The following MRTFB variants were observed in gnomAD, a reference collection of about 807,000 sequenced individuals.
MRTFB encodes myocardin-related transcription factor B.
Under a neutral mutation model 104.2 loss-of-function variants are expected in MRTFB, and 29 were observed. The observed-to-expected ratio is 0.28, with a 90% confidence interval of 0.21 to 0.38. MRTFB has a LOEUF of 0.38. MRTFB is among the 10% of genes least tolerant of loss of function. MRTFB has a pLI of 1.00. For synonymous variants in MRTFB, 535 were observed against 519.5 expected (o/e 1.03, Z -0.41); for missense variants, 1,270 against 1,341.6 (o/e 0.95, Z 0.83).
chr16:14,217,415 C>G (rs2041475254), intron 7 of MRTFB, 128 bp downstream of exon 7: 1 of 756,822 alleles, frequency 1.3e-6, no homozygotes, highest in Admixed American at 2.7e-5. Context: ...GAAATTAACA[C>G]AGTGATTTGT....
the MRTFB span, among the ~76,000 whole-genome samples, chr16:14,027,024 C>A: frequency 1.3e-5 from 2 of 152,128 alleles, no homozygotes; most frequent in Non-Finnish European, 2.9e-5. Flanking sequence ...CATGCACTCA[C>A]CATAGGACCC....
At chr16:14,126,212 A>C (rs2037103040) in intron 2 of MRTFB, among the ~76,000 whole-genome samples, 2 of 152,162 alleles carry the variant, frequency 1.3e-5, no homozygotes. Flanking sequence ...TTTTTAAAAA[A>C]ACCTTAGTTT....
chr16:14,043,136 T>C, the MRTFB span, among the ~76,000 whole-genome samples: 3 of 152,198 alleles, frequency 2.0e-5, no homozygotes, highest in Non-Finnish European at 4.4e-5. Context: ...AAATGGGATA[T>C]GCAATGGGTG....
At chr16:14,057,259 AT>A in the MRTFB span, among the ~76,000 whole-genome samples, 1 of 151,768 alleles carries the variant, frequency 6.6e-6, no homozygotes, top group African/African-American at 2.4e-5. Context: ...GTGTCAACAT[AT>A]TTCCGGAAAA....
At chr16:14,225,396 T>C (rs1041444474) in intron 8 of MRTFB, among the ~76,000 whole-genome samples, 9 of 151,746 alleles carry the variant, frequency 5.9e-5, no homozygotes, top group Non-Finnish European at 1.0e-4. Flanking sequence ...GAAGTAGCAT[T>C]TTTTTATGTG....
chr16:14,015,628 A>C, the MRTFB span, among the ~76,000 whole-genome samples: 1 of 152,202 alleles, frequency 6.6e-6, no homozygotes, highest in Admixed American at 6.5e-5. Flanking sequence ...AAGGGCCCCG[A>C]GAAGAGTTCG....
chr16:14,219,055 T>C, intron 8 of MRTFB, 57 bp downstream of exon 8: 1 of 1,471,718 alleles, frequency 6.8e-7, no homozygotes. Flanking sequence ...TTTTTTTTAA[T>C]ATATTAAGGT....
In MRTFB at chr16:14,157,008, C is replaced by G. The variant is rs186754435; in HGVS notation, c.154+16248C>G. Among the ~76,000 whole-genome samples the G allele has an allele frequency of 2.0e-4, 30 of 152,226 alleles. No individual in the cohort carries two copies. In the East Asian group the frequency reaches 5.4e-3, roughly 27 times the overall value. On this transcript the variant is annotated intron_variant, in intron 3 of 16. Transcript: ENST00000571589. ...CCCCCATGCAAAGGAAAAGGTCTTG[C>G]AATGAAATATATCAAATTATTTTGG...
intron 2 of MRTFB, among the ~76,000 whole-genome samples, chr16:14,107,590 G>T (rs1180052278): frequency 2.6e-5 from 4 of 152,112 alleles, no homozygotes; most frequent in African/African-American, 9.7e-5. Flanking sequence ...CTTCATTTTG[G>T]TCTCTAGGAC....
chr16:14,120,352 A>T (rs1288726533), intron 2 of MRTFB, among the ~76,000 whole-genome samples: 1 of 152,080 alleles, frequency 6.6e-6, no homozygotes, highest in Non-Finnish European at 1.5e-5. Flanking sequence ...ATCATGTTTA[A>T]TCCCTCCGTT....
At chr16:14,213,495 C>A in intron 5 of MRTFB, 50 bp from the exon 6 acceptor site, 1 of 1,304,304 alleles carries the variant, frequency 7.7e-7, no homozygotes, top group Non-Finnish European at 1.1e-6. Context: ...ACATTTAAAA[C>A]CACAATAAAT....
the MRTFB span, among the ~76,000 whole-genome samples, chr16:14,006,565 T>C: frequency 2.0e-5 from 3 of 151,836 alleles, no homozygotes; most frequent in Non-Finnish European, 4.4e-5. Context: ...TGTGTCTCTC[T>C]CATGCACTAA....
At chr16:14,226,506 T>C (rs981167101) in intron 8 of MRTFB, among the ~76,000 whole-genome samples, 2 of 152,210 alleles carry the variant, frequency 1.3e-5, no homozygotes, top group African/African-American at 2.4e-5. Flanking sequence ...GTTGGACCTT[T>C]ACCTAACATC....
intron 9 of MRTFB, among the ~76,000 whole-genome samples, chr16:14,237,376 G>C (rs1318433749): frequency 6.6e-6 from 1 of 152,010 alleles, no homozygotes; most frequent in Non-Finnish European, 1.5e-5. Context: ...AGAAGGGAGA[G>C]GGCAACTGTA....
At chr16:14,168,067 C>T (rs1180278388) in intron 3 of MRTFB, among the ~76,000 whole-genome samples, 2 of 152,120 alleles carry the variant, frequency 1.3e-5, no homozygotes, top group Non-Finnish European at 2.9e-5. Flanking sequence ...AGCCAGTTCT[C>T]CTAACACCAT....
intron 2 of MRTFB, among the ~76,000 whole-genome samples, chr16:14,083,655 C>T (rs763373665): frequency 1.2e-4 from 19 of 152,146 alleles, no homozygotes; most frequent in Admixed American, 2.6e-4. Context: ...GTGGGTGACG[C>T]GGGTAATGTA....
intron 2 of MRTFB, among the ~76,000 whole-genome samples, chr16:14,099,730 C>T (rs545899543): frequency 2.7e-5 from 4 of 149,050 alleles, no homozygotes; most frequent in Admixed American, 6.7e-5. Flanking sequence ...TGCAGTGGCA[C>T]GATCTCGGCT....
intron 9 of MRTFB, among the ~76,000 whole-genome samples, chr16:14,237,917 T>C (rs1404352481): frequency 6.6e-6 from 1 of 151,760 alleles, no homozygotes; most frequent in Non-Finnish European, 1.5e-5. Flanking sequence ...ACCAGAAAAA[T>C]GTAACAGGAT....
intron 2 of MRTFB, among the ~76,000 whole-genome samples, chr16:14,094,563 G>A (rs1430383879): frequency 1.3e-5 from 2 of 152,130 alleles, no homozygotes; most frequent in African/African-American, 4.8e-5. Flanking sequence ...CTTTCTTAAT[G>A]GACAGAGAAA....
Sources: allele counts gnomAD v4.1 joint callset (sites outside exome capture counted in the v4.1 genomes callset), GRCh38; gene constraint gnomAD v4.1.1; transcripts MANE v1.5; gene names NCBI Gene and HGNC (gene_info 2026-07-23, HGNC 2026-07-21).